Variants in SCAMP4 observed in about 807,000 individuals in gnomAD.
SCAMP4 encodes secretory carrier-associated membrane protein 4.
In SCAMP4, 19 loss-of-function variants were observed where a neutral mutation model predicts 32.1. That is an observed-to-expected ratio of 0.59 (90% CI 0.41 to 0.87). The LOEUF (loss-of-function observed/expected upper bound fraction) is 0.87. SCAMP4 is among the 40% of genes least tolerant of loss of function. The probability of loss-of-function intolerance (pLI) is 0.00; values close to 1 mark genes in which losing one functional copy is unlikely to be tolerated. For synonymous variants in SCAMP4, 152 were observed against 132.7 expected, an observed-to-expected ratio of 1.15 and a Z score of -1.00; for missense variants, 302 against 309.0, an observed-to-expected ratio of 0.98 and a Z score of 0.17.
chr19:1,918,720 A>C lies in SCAMP4; in HGVS notation c.294-169A>C, dbSNP rs374162712. On this transcript the variant is annotated intron_variant, in intron 4 of 6. Coordinates refer to ENST00000316097, the MANE Select transcript of SCAMP4 (RefSeq NM_079834.4). ...GAGGTTGCAGTGAGCCGAGATCTCG[A>C]CACTGCTCTCCAGCCTGGGCGACAG... The C allele has an allele frequency of 7.0e-5, 75 of 1,066,552 alleles. No individual in the cohort carries two copies. The East Asian group carries it at 1.2e-3, about 17-fold the overall frequency. The allele number at this position is 1,066,552 out of a possible 1,614,324, so 66.1% of individuals were successfully genotyped here.
At chr19:1,907,161 TG>T (rs1191720518) in intron 1 of SCAMP4, 1 of 150,450 alleles carries the variant, frequency 6.6e-6, no homozygotes, top group African/African-American at 2.5e-5. Context: ...CCCTCCAGCC[TG>T]GGGGACAGAG....
intron 1 of SCAMP4, 76 bp from the exon 2 acceptor site, chr19:1,914,903 A>G (rs1208970529): frequency 5.5e-6 from 7 of 1,265,058 alleles, no homozygotes; most frequent in Admixed American, 1.7e-5. Flanking sequence ...AGGGCTTTTC[A>G]GCCACGGTGG....
chr19:1,912,325 G>A lies in SCAMP4; in HGVS notation c.-41-2654G>A, dbSNP rs763237998. The A allele has an allele frequency of 8.3e-5, 128 of 1,541,988 alleles. No individual in the cohort carries two copies. The highest frequency in any genetic ancestry group is 9.6e-5 in the Non-Finnish European group (111 of 1,151,822). ...CTCCCCGCCCAGCCTCACCTCAAGCGGGTGCGGCCCAGCCGCGATGCCGGC... is the reference window on the plus strand; with the variant it reads ...CTCCCCGCCCAGCCTCACCTCAAGCAGGTGCGGCCCAGCCGCGATGCCGGC... On this transcript the variant is annotated intron_variant, in intron 1 of 6. Transcript: ENST00000316097.
chr19:1,915,163 C>G lies in SCAMP4; in HGVS notation c.7+137C>G, dbSNP rs546807666. 4.6e-5 allele frequency: 47 copies of G among 1,016,612 alleles called. 1 individual carries two copies. In the Middle Eastern group the frequency reaches 3.1e-3, roughly 66 times the overall value. The allele number at this position is 1,016,612 out of a possible 1,614,324, so 63.0% of individuals were successfully genotyped here. A position where few individuals can be genotyped will look rare whatever the true frequency, so the allele number is the denominator to read the frequency against. ...ACCTGGCCTCTGACTCCTCGGGTCC[C>G]GTAGCCCAGCACAGCTGGAGTCACG... On this transcript the variant is annotated intron_variant, in intron 2 of 6. Transcript: ENST00000316097.
chr19:1,907,349 T>A (rs1292953896), intron 1 of SCAMP4, among the ~76,000 whole-genome samples: 1 of 145,102 alleles, frequency 6.9e-6, no homozygotes. Flanking sequence ...GTCAGGCCCC[T>A]CCATCCCCCC....
At chr19:1,919,503 T>TC (rs2013851605) in intron 5 of SCAMP4, 2 of 973,974 alleles carry the variant, frequency 2.1e-6, no homozygotes, top group East Asian at 1.1e-4. Flanking sequence ...TCTTTTTTTT[T>TC]TTTTTTTTTT....
chr19:1,921,186 G>T, intron 5 of SCAMP4: 1 of 985,102 alleles, frequency 1.0e-6, no homozygotes, highest in Non-Finnish European at 1.2e-6. Flanking sequence ...CCCTGTCCTG[G>T]GCGGCTTCAC....
rs1187984463 is a variant in SCAMP4 at position 1,908,439 on chromosome 19, C to G, written c.-42+3000C>G. 4.3e-6 allele frequency: 2 copies of G among 468,274 alleles called. No homozygotes were observed. The highest frequency in any genetic ancestry group is 8.9e-6 in the Non-Finnish European group (2 of 225,652). The allele number at this position is 468,274 out of a possible 1,614,324, so 29.0% of individuals were successfully genotyped here. A position where few individuals can be genotyped will look rare whatever the true frequency, so the allele number is the denominator to read the frequency against. Reference sequence around the variant, plus strand: ...AGGCAGTGCATGTCGAGGAGTAGCACCCACAGCTGCGCGGCTGCGAAATGA... The same window carrying G: ...AGGCAGTGCATGTCGAGGAGTAGCAGCCACAGCTGCGCGGCTGCGAAATGA... On this transcript the variant is annotated intron_variant, in intron 1 of 6. Transcript: ENST00000316097. The surrounding 1 kb of genome is among the most constrained non-coding windows in gnomAD (Gnocchi z 4.2).
chr19:1,911,902 C>T (rs1777754638), intron 1 of SCAMP4: 1 of 1,035,454 alleles, frequency 9.7e-7, no homozygotes, highest in African/African-American at 1.7e-5. Context: ...GTTAGCAGGA[C>T]ATGAGGGAGT....
At chr19:1,912,290 C>G (rs1163692192) in intron 1 of SCAMP4, 2 of 1,573,568 alleles carry the variant, frequency 1.3e-6, no homozygotes, top group South Asian at 2.3e-5. Context: ...AGGTGTCGGC[C>G]CTGCACCCGC....
intron 5 of SCAMP4, chr19:1,920,827 G>A (rs906259325): frequency 1.0e-6 from 1 of 985,480 alleles, no homozygotes. Flanking sequence ...GCCCGTGTTG[G>A]GTGGTCCTGA....
chr19:1,912,992 G>A (rs1321157026), intron 1 of SCAMP4: 3 of 1,608,734 alleles, frequency 1.9e-6, no homozygotes, highest in Admixed American at 3.3e-5. Flanking sequence ...TGGCCCTGGT[G>A]CACGCACGCA....
intron 2 of SCAMP4, among the ~76,000 whole-genome samples, chr19:1,916,493 G>T (rs1050683701): frequency 6.6e-6 from 1 of 152,126 alleles, no homozygotes; most frequent in African/African-American, 2.4e-5. Context: ...CAGGGTCTGG[G>T]TCTCTCCCAG....
chr19:1,921,880 C>T (rs2013930948), intron 5 of SCAMP4: 2 of 985,302 alleles, frequency 2.0e-6, no homozygotes, highest in African/African-American at 3.5e-5. Flanking sequence ...GTGGAGGCTC[C>T]AAGCAGGCGA....
At chr19:1,913,365 G>A (rs940598795) in intron 1 of SCAMP4, 2 of 698,030 alleles carry the variant, frequency 2.9e-6, no homozygotes, top group Non-Finnish European at 4.7e-6. Flanking sequence ...GCCCTTCTGC[G>A]GCCGCCCTTG....
chr19:1,923,794 T>A (rs2014001251), intron 6 of SCAMP4, among the ~76,000 whole-genome samples: 1 of 124,260 alleles, frequency 8.0e-6, no homozygotes. Flanking sequence ...AATTATTTTG[T>A]TTTTGTATTT....
At chr19:1,912,887 C>T (rs201346862) in intron 1 of SCAMP4, 10 of 1,606,360 alleles carry the variant, frequency 6.2e-6, no homozygotes, top group Non-Finnish European at 6.8e-6. Context: ...GCGCAGGCGC[C>T]GTGCGTAAAC....
At chr19:1,910,943 T>C (rs1480037825) in intron 1 of SCAMP4, among the ~76,000 whole-genome samples, 1 of 151,786 alleles carries the variant, frequency 6.6e-6, no homozygotes, top group African/African-American at 2.4e-5. Context: ...CTCGGCTCAA[T>C]GTAACCTGCG....
At chr19:1,912,380 C>T (rs1237219815) in intron 1 of SCAMP4, 2 of 1,521,196 alleles carry the variant, frequency 1.3e-6, no homozygotes, top group African/African-American at 1.4e-5. Flanking sequence ...TGCTGCTTTG[C>T]CTGGCTGGGC....
Sources: gnomAD v4.1 joint callset for allele counts (sites outside exome capture counted in the v4.1 genomes callset) on GRCh38, gnomAD v4.1.1 for gene constraint, Gnocchi (gnomAD v3.1) non-coding constraint, MANE v1.5 for transcripts, NCBI Gene and HGNC (gene_info 2026-07-23, HGNC 2026-07-21) for gene names.